The following MARK2 variants were observed in gnomAD, a reference collection of about 807,000 sequenced individuals.
MARK2 encodes the protein microtubule affinity regulating kinase 2.
A neutral mutation model predicts 89.8 loss-of-function variants in MARK2; 16 were observed. The observed-to-expected ratio is 0.18, with a 90% confidence interval of 0.12 to 0.27. The LOEUF (loss-of-function observed/expected upper bound fraction) is 0.27, where lower values mean the gene tolerates loss of function less well. MARK2 is among the 10% of genes least tolerant of loss of function. The pLI, the probability that MARK2 is intolerant of heterozygous loss-of-function variation, is 1.00. For synonymous variants in MARK2, 382 were observed against 399.5 expected, an observed-to-expected ratio of 0.96 and a Z score of 0.52; for missense variants, 621 against 1,049.9, an observed-to-expected ratio of 0.59 and a Z score of 5.65.
At chr11:63,862,673 C>T (rs1937872968) in intron 1 of MARK2, among the ~76,000 whole-genome samples, 1 of 152,178 alleles carries the variant, frequency 6.6e-6, no homozygotes, top group Admixed American at 6.5e-5. Context: ...ACATCTTTAT[C>T]TTTTCCCATC....
At chr11:63,845,904 G>A (rs537420293) in intron 1 of MARK2, among the ~76,000 whole-genome samples, 7 of 152,144 alleles carry the variant, frequency 4.6e-5, no homozygotes, top group African/African-American at 1.4e-4. Context: ...TGTATTTTTA[G>A]TAGAGATAGG....
chr11:63,908,534 G>C (rs942018158), intron 18 of MARK2, among the ~76,000 whole-genome samples: 1 of 152,184 alleles, frequency 6.6e-6, no homozygotes, highest in African/African-American at 2.4e-5. Flanking sequence ...GTTCTGGGTC[G>C]GGTGGTTGGG....
At chr11:63,850,161 T>TG (rs61604723) in intron 1 of MARK2, 14,043 of 151,820 alleles carry the variant, frequency 0.092, 896 homozygotes, top group South Asian at 0.22. Flanking sequence ...TTTGTTTGTT[T>TG]TTTTGAGATG....
chr11:63,853,228 T>C (rs1251089201), intron 1 of MARK2, among the ~76,000 whole-genome samples: 4 of 151,808 alleles, frequency 2.6e-5, no homozygotes, highest in Admixed American at 2.6e-4. Flanking sequence ...GTGAAACTCC[T>C]TCTCTACTAA....
intron 1 of MARK2, chr11:63,888,484 G>C (rs989725747): frequency 1.8e-5 from 18 of 1,008,346 alleles, no homozygotes; most frequent in Non-Finnish European, 2.0e-5. Context: ...GCCCACTTCC[G>C]GGGAGGGGGG....
intron 1 of MARK2, among the ~76,000 whole-genome samples, chr11:63,854,745 G>A (rs1364893568): frequency 6.8e-6 from 1 of 147,444 alleles, no homozygotes. Flanking sequence ...TGAGGCAGGA[G>A]AATTGCAGTG....
At chr11:63,885,538 T>C (rs1163436353) in intron 1 of MARK2, among the ~76,000 whole-genome samples, 1 of 143,770 alleles carries the variant, frequency 7.0e-6, no homozygotes, top group Non-Finnish European at 1.5e-5. Flanking sequence ...TACCTTGTCT[T>C]GAAAAAAAAA....
At position 63,845,687 on chromosome 11, in the gene MARK2, C is replaced by T. The variant is rs183960111; in HGVS notation, c.54+6127C>T. On this transcript the variant is annotated intron_variant, in intron 1 of 18. Coordinates refer to ENST00000402010, the MANE Select transcript of MARK2 (RefSeq NM_001039469.3). ...TCCTGAGCAGAATGTTACTGCCACC[C>T]GCCCCCTTCCTTTTTGTTATAGGCC... Among the ~76,000 whole-genome samples the T allele has an allele frequency of 3.8e-3, 574 of 152,252 alleles. 1 individual carries two copies. The highest frequency in any genetic ancestry group is 5.7e-3 in the Non-Finnish European group (386 of 68,020).
intron 1 of MARK2, among the ~76,000 whole-genome samples, chr11:63,860,913 C>T (rs1034712274): frequency 2.0e-5 from 3 of 152,018 alleles, no homozygotes; most frequent in Non-Finnish European, 2.9e-5. Context: ...AATCACATCT[C>T]ATTGGAATCA....
At chr11:63,867,362 G>T (rs1938193489) in intron 1 of MARK2, among the ~76,000 whole-genome samples, 1 of 152,210 alleles carries the variant, frequency 6.6e-6, no homozygotes, top group African/African-American at 2.4e-5. Flanking sequence ...TATAGAACTG[G>T]TTGAATGGGA....
chr11:63,901,422 G>GGTGGGTGTGTGTGT (rs1554985349), intron 11 of MARK2, among the ~76,000 whole-genome samples: 1 of 139,696 alleles, frequency 7.2e-6, no homozygotes, highest in East Asian at 2.2e-4. Flanking sequence ...TACATTTCTG[G>GGTGGGTGTGTGTGT]GTGTGTGTGT....
At chr11:63,892,843 C>T (rs557922350) in intron 1 of MARK2, among the ~76,000 whole-genome samples, 137 of 151,750 alleles carry the variant, frequency 9.0e-4, no homozygotes, top group African/African-American at 3.1e-3. Flanking sequence ...GATCCTCCCG[C>T]CTCATCCTCC....
At chr11:63,850,881 C>G (rs2016541700) in intron 1 of MARK2, among the ~76,000 whole-genome samples, 1 of 152,022 alleles carries the variant, frequency 6.6e-6, no homozygotes, top group African/African-American at 2.4e-5. Flanking sequence ...CCAGGCTGGT[C>G]TTGAATATTT....
chr11:63,850,869 G>A (rs1157661518), intron 1 of MARK2, among the ~76,000 whole-genome samples: 1 of 151,860 alleles, frequency 6.6e-6, no homozygotes. Context: ...TCACTGTGTT[G>A]CCCAGGCTGG....
At position 63,839,315 on chromosome 11, in the gene MARK2, G is replaced by T. The variant is rs1453421531; in HGVS notation, c.-192G>T. 2 of 393,938 alleles carry T rather than the reference G, an allele frequency of 5.1e-6. No homozygotes were observed. The highest frequency in any genetic ancestry group is 8.8e-6 in the Non-Finnish European group (2 of 226,142). The allele number at this position is 393,938 out of a possible 1,614,324, so 24.4% of individuals were successfully genotyped here. On this transcript the variant is annotated 5_prime_UTR_variant, in exon 1 of 19. Coordinates refer to ENST00000402010, the MANE Select transcript of MARK2 (RefSeq NM_001039469.3). ...GGGGTGCGGTCCGGAGCCGCTCGGA[G>T]CCGGCGCGGCCTAGCCCGAGCGGCG...
rs1191852150 is a variant in MARK2, at chr11:63,898,669, T to C, written c.399T>C (p.Ser133=). Residue 133 remains serine (S), a synonymous_variant, in exon 5 of 19, where the codon AGT becomes AGC. Transcript: ENST00000402010. ...KTLYLVMEYA[S]GGEVFDYLVA... ...TCTACCTTGTCATGGAGTACGCTAG[T>C]GGCGGTAGGTGTGGAACTGCCTCTT... 5 of 1,613,830 alleles carry C rather than the reference T, an allele frequency of 3.1e-6. No individual in the cohort carries two copies. Among genetic ancestry groups the C allele is most frequent in the Non-Finnish European group, 4.2e-6 (5 of 1,179,792 alleles).
At position 63,839,143 on chromosome 11, in the gene MARK2, T is replaced by A. The variant is rs963221334; in HGVS notation, c.-364T>A. On this transcript the variant is annotated 5_prime_UTR_variant, in exon 1 of 19. Coordinates refer to ENST00000402010, the MANE Select transcript of MARK2 (RefSeq NM_001039469.3). ...TGGCGGCCATGTTGGGAGCAGCAGG[T>A]CCGGCGGCGGCTGCCTGTGTGCCGG... 5.2e-6 allele frequency: 1 copy of A among 194,030 alleles called. No homozygotes were observed. The highest frequency in any genetic ancestry group is 1.0e-5 in the Non-Finnish European group (1 of 96,840). 12.0% of individuals were successfully genotyped at this position (194,030 alleles called of 1,614,324 possible).
intron 1 of MARK2, among the ~76,000 whole-genome samples, chr11:63,848,719 T>A (rs1413420820): frequency 1.3e-5 from 2 of 151,832 alleles, no homozygotes; most frequent in Non-Finnish European, 2.9e-5. Context: ...CCCAGCTAAT[T>A]TTTTGTACTT....
At chr11:63,842,882 A>G (rs1322367625) in intron 1 of MARK2, among the ~76,000 whole-genome samples, 1 of 152,106 alleles carries the variant, frequency 6.6e-6, no homozygotes, top group Non-Finnish European at 1.5e-5. Flanking sequence ...ACCTGTTTCC[A>G]GGAGCCCTTT....
Sources: gnomAD v4.1 joint callset for allele counts (sites outside exome capture counted in the v4.1 genomes callset) on GRCh38, gnomAD v4.1.1 for gene constraint, MANE v1.5 for transcripts, NCBI Gene and HGNC (gene_info 2026-07-23, HGNC 2026-07-21) for gene names.